ARHGAP15: variants seen among roughly 807,000 people sequenced by gnomAD.
The protein encoded by ARHGAP15 is rho GTPase-activating protein 15.
ARHGAP15 carries 51 observed loss-of-function variants against 63.7 expected under a neutral mutation model. The observed-to-expected ratio is 0.80, with a 90% CI of 0.64 to 1.01. The LOEUF is 1.01. Among genes scored for constraint, ARHGAP15 ranks in the 50% least tolerant of loss-of-function variants. The probability of loss-of-function intolerance (pLI) is 0.00; values close to 1 mark genes in which losing one functional copy is unlikely to be tolerated. For missense variants in ARHGAP15, 560 were observed against 564.6 expected (o/e 0.99, Z 0.08); for synonymous variants, 191 against 193.8 (o/e 0.99, Z 0.12).
intron 6 of ARHGAP15, among the ~76,000 whole-genome samples, chr2:143,263,188 G>A (rs1558851541): frequency 6.6e-6 from 1 of 152,096 alleles, no homozygotes. Context: ...TAGTAAGAAC[G>A]GCAGATCTTA....
intron 8 of ARHGAP15, among the ~76,000 whole-genome samples, chr2:143,471,535 A>T (rs570268742): frequency 6.6e-6 from 1 of 152,228 alleles, no homozygotes; most frequent in African/African-American, 2.4e-5. Context: ...AAACACAGAA[A>T]AGAAAGGGGA....
chr2:143,475,811 A>G (rs1450239960), intron 8 of ARHGAP15, among the ~76,000 whole-genome samples: 2 of 152,262 alleles, frequency 1.3e-5, no homozygotes, highest in Admixed American at 6.5e-5. Flanking sequence ...AGAACATTCA[A>G]GTAAACTTGG....
At chr2:143,198,271 T>C (rs1360128166) in intron 2 of ARHGAP15, among the ~76,000 whole-genome samples, 1 of 151,988 alleles carries the variant, frequency 6.6e-6, no homozygotes, top group African/African-American at 2.4e-5. Context: ...TTTGTATAAA[T>C]TTCTCAATTT....
intron 6 of ARHGAP15, among the ~76,000 whole-genome samples, chr2:143,306,434 T>G (rs1452049413): frequency 6.6e-6 from 1 of 152,146 alleles, no homozygotes; most frequent in Non-Finnish European, 1.5e-5. Flanking sequence ...GACAGGCACA[T>G]GTAACCCACA....
At chr2:143,284,676 G>A (rs940708145) in intron 6 of ARHGAP15, among the ~76,000 whole-genome samples, 1 of 152,154 alleles carries the variant, frequency 6.6e-6, no homozygotes, top group African/African-American at 2.4e-5. Context: ...AATTTCATCA[G>A]TGAGATAACC....
rs1423391763 is a variant in ARHGAP15, at chr2:143,165,974, G to GAAAC, written c.165+10322_165+10323insCAAA. On this transcript the variant is annotated intron_variant, in intron 2 of 13. Coordinates refer to ENST00000295095, the MANE Select transcript of ARHGAP15 (RefSeq NM_018460.4). ...AGAAAGAAAGAGAGAAAGAAAGAAA[G>GAAAC]AAAGAAAGAAAGAAAGAAAGAAAGA... 9.6e-5 allele frequency among the ~76,000 whole-genome samples: 11 copies of GAAAC among 114,798 alleles called. 1 individual carries two copies. In the East Asian group the frequency reaches 2.6e-3, roughly 28 times the overall value. 75.3% of individuals were successfully genotyped at this position (114,798 alleles called of 152,430 possible). A position where few individuals can be genotyped will look rare whatever the true frequency, so the allele number is the denominator to read the frequency against.
At chr2:143,496,163 A>G (rs951275889) in intron 9 of ARHGAP15, among the ~76,000 whole-genome samples, 1 of 152,122 alleles carries the variant, frequency 6.6e-6, no homozygotes, top group African/African-American at 2.4e-5. Flanking sequence ...TCTGTTATTT[A>G]AAGGCTCTTG....
chr2:143,167,613 C>T (rs1267146497), intron 2 of ARHGAP15, among the ~76,000 whole-genome samples: 2 of 152,062 alleles, frequency 1.3e-5, no homozygotes, highest in Non-Finnish European at 2.9e-5. Flanking sequence ...AACCTTGTTC[C>T]CCAAGGTCAC....
chr2:143,222,248 A>G (rs559984529), intron 4 of ARHGAP15, among the ~76,000 whole-genome samples: 3 of 152,356 alleles, frequency 2.0e-5, no homozygotes, highest in South Asian at 4.1e-4. Flanking sequence ...CGGTAAATCA[A>G]TCAGGGACAT....
intron 2 of ARHGAP15, among the ~76,000 whole-genome samples, chr2:143,179,341 T>A (rs1200843089): frequency 6.6e-6 from 1 of 152,194 alleles, no homozygotes; most frequent in Non-Finnish European, 1.5e-5. Context: ...GCTACAAATA[T>A]CCACCTTATA....
chr2:143,449,733 C>T (rs72853746), intron 8 of ARHGAP15, among the ~76,000 whole-genome samples: 14,477 of 151,958 alleles, frequency 0.095, 863 homozygotes, highest in African/African-American at 0.17. Context: ...GTCTGATTAA[C>T]CCTCTTAGTA....
intron 6 of ARHGAP15, among the ~76,000 whole-genome samples, chr2:143,380,359 T>G (rs1687010041): frequency 6.6e-6 from 1 of 152,138 alleles, no homozygotes; most frequent in Non-Finnish European, 1.5e-5. Flanking sequence ...GCATGCATTG[T>G]TTTGTTCAAT....
intron 6 of ARHGAP15, among the ~76,000 whole-genome samples, chr2:143,308,181 C>G (rs1265858682): frequency 1.3e-5 from 2 of 152,076 alleles, no homozygotes; most frequent in Non-Finnish European, 2.9e-5. Flanking sequence ...TTAATCATTA[C>G]TTAATTGATT....
Position 143,664,153 on chromosome 2 carries a change from CCA to C in ARHGAP15, c.1139-39263_1139-39262del, listed in dbSNP as rs1449849497. Among the ~76,000 whole-genome samples, 3 of 152,114 alleles carry C rather than the reference CCA, an allele frequency of 2.0e-5. No homozygotes were observed. The East Asian group carries it at 5.8e-4, about 29-fold the overall frequency. On this transcript the variant is annotated intron_variant, in intron 12 of 13. Coordinates refer to ENST00000295095, the MANE Select transcript of ARHGAP15 (RefSeq NM_018460.4). ...CACACCACACCTATTCCAAAATTGACCACAGAGTTGGAAGTAAAGCTCTCCTC... is the reference window on the plus strand; with the variant it reads ...CACACCACACCTATTCCAAAATTGACCAGAGTTGGAAGTAAAGCTCTCCTC...
At chr2:143,389,221 C>T (rs1687437016) in intron 6 of ARHGAP15, among the ~76,000 whole-genome samples, 1 of 151,606 alleles carries the variant, frequency 6.6e-6, no homozygotes, top group African/African-American at 2.4e-5. Flanking sequence ...GGTGAATTTA[C>T]TATTAAGCCC....
At chr2:143,273,082 AAGATT>A (rs1350806034) in intron 6 of ARHGAP15, among the ~76,000 whole-genome samples, 3 of 152,090 alleles carry the variant, frequency 2.0e-5, no homozygotes, top group Admixed American at 6.5e-5. Context: ...AAATTGTTTT[AAGATT>A]AGATTAGTTT....
chr2:143,364,834 C>A (rs1686225745), intron 6 of ARHGAP15, among the ~76,000 whole-genome samples: 1 of 152,056 alleles, frequency 6.6e-6, no homozygotes, highest in South Asian at 2.1e-4. Flanking sequence ...TCCAGAAAAC[C>A]CTGTCTCTTA....
chr2:143,601,618 A>AT (rs1252574118), intron 11 of ARHGAP15: 1 of 152,052 alleles, frequency 6.6e-6, no homozygotes, highest in Non-Finnish European at 1.5e-5. Context: ...ATAATTAAGC[A>AT]TTTTTTACTT....
At chr2:143,365,595 A>G (rs1349177877) in intron 6 of ARHGAP15, among the ~76,000 whole-genome samples, 1 of 152,230 alleles carries the variant, frequency 6.6e-6, no homozygotes, top group Non-Finnish European at 1.5e-5. Flanking sequence ...CGGATCTTCT[A>G]TGTATACACC....
Sources: gnomAD v4.1 joint callset for allele counts (sites outside exome capture counted in the v4.1 genomes callset) on GRCh38, gnomAD v4.1.1 for gene constraint, MANE v1.5 for transcripts, NCBI Gene and HGNC (gene_info 2026-07-23, HGNC 2026-07-21) for gene names.